Variants in GNB1 observed in about 807,000 individuals in gnomAD.
GNB1 encodes the protein G protein subunit beta 1.
In GNB1, 2 loss-of-function variants were observed where a neutral mutation model predicts 42.9. That is an observed-to-expected ratio of 0.05 (90% CI 0.02 to 0.15). The LOEUF is 0.15. Ranked by LOEUF, GNB1 falls within the 10% of genes least tolerant of loss-of-function variation. GNB1 has a pLI of 1.00. For missense variants in GNB1, 193 were observed against 462.2 expected (o/e 0.42, Z 5.34); for synonymous variants, 183 against 174.7 (o/e 1.05, Z -0.38).
intron 1 of GNB1, among the ~76,000 whole-genome samples, chr1:1,865,719 T>C (rs780590345): frequency 9.2e-5 from 14 of 152,208 alleles, no homozygotes; most frequent in Non-Finnish European, 1.9e-4. Flanking sequence ...AAAAGGCAGA[T>C]TTAAACAAAT....
chr1:1,863,454 G>T (rs1648739291), intron 1 of GNB1, among the ~76,000 whole-genome samples: 1 of 152,156 alleles, frequency 6.6e-6, no homozygotes, highest in Admixed American at 6.5e-5. Flanking sequence ...CCACTGGAGG[G>T]GTTTGGGAGT....
intron 7 of GNB1, among the ~76,000 whole-genome samples, chr1:1,800,753 T>TAAA (rs943269814): frequency 1.0e-4 from 12 of 115,318 alleles, no homozygotes; most frequent in Admixed American, 3.6e-4. Context: ...TTTAGATTGT[T>TAAA]AAAAAAAAAA....
intron 5 of GNB1, among the ~76,000 whole-genome samples, chr1:1,811,416 C>T (rs888595994): frequency 4.6e-5 from 7 of 151,864 alleles, no homozygotes; most frequent in Non-Finnish European, 7.4e-5. Flanking sequence ...CAAACTAGGC[C>T]GGGCACAGTG....
chr1:1,853,859 T>A (rs1648118719), intron 1 of GNB1, among the ~76,000 whole-genome samples: 1 of 152,110 alleles, frequency 6.6e-6, no homozygotes, highest in Non-Finnish European at 1.5e-5. Flanking sequence ...AATATTTACT[T>A]GGGAGTCTGA....
chr1:1,875,488 T>C (rs1001238734), intron 1 of GNB1, among the ~76,000 whole-genome samples: 2 of 151,920 alleles, frequency 1.3e-5, no homozygotes, highest in Non-Finnish European at 2.9e-5. Context: ...CCATCACACC[T>C]GGCCAAGGAC....
chr1:1,861,960 G>A (rs1411976917), intron 1 of GNB1, among the ~76,000 whole-genome samples: 2 of 152,116 alleles, frequency 1.3e-5, no homozygotes, highest in African/African-American at 4.8e-5. Context: ...CAGCTACTCG[G>A]GAGGCTGAGG....
intron 3 of GNB1, among the ~76,000 whole-genome samples, chr1:1,821,686 T>C (rs1375433103): frequency 6.6e-6 from 1 of 152,188 alleles, no homozygotes; most frequent in Non-Finnish European, 1.5e-5. Context: ...GCGCCTCTCC[T>C]AGTGAACGTC....
chr1:1,873,637 G>A (rs767900370), intron 1 of GNB1, among the ~76,000 whole-genome samples: 12 of 152,324 alleles, frequency 7.9e-5, no homozygotes, highest in East Asian at 1.9e-4. Flanking sequence ...GAGACTGGAC[G>A]CAGTGGCTCA....
chr1:1,802,598 G>GTC (rs1646639918), intron 7 of GNB1, among the ~76,000 whole-genome samples: 2 of 151,906 alleles, frequency 1.3e-5, no homozygotes, highest in Non-Finnish European at 2.9e-5. Context: ...GCAAAACCCC[G>GTC]TCTCTACTAA....
At chr1:1,882,293 C>T (rs1386587016) in intron 1 of GNB1, among the ~76,000 whole-genome samples, 2 of 151,872 alleles carry the variant, frequency 1.3e-5, no homozygotes, top group African/African-American at 2.4e-5. Context: ...CTAGGCGTGG[C>T]GGCATGCACC....
intron 3 of GNB1, among the ~76,000 whole-genome samples, chr1:1,822,728 G>C (rs1474239812): frequency 6.6e-6 from 1 of 152,146 alleles, no homozygotes; most frequent in East Asian, 1.9e-4. Flanking sequence ...TTCACAACGT[G>C]ACAGGGTCCA....
chr1:1,855,180 G>C (rs1648205084), intron 1 of GNB1, among the ~76,000 whole-genome samples: 1 of 148,854 alleles, frequency 6.7e-6, no homozygotes, highest in African/African-American at 2.5e-5. Context: ...AAACAGCTGA[G>C]TGTGGTGGTG....
chr1:1,874,355 T>C (rs982602864), intron 1 of GNB1, among the ~76,000 whole-genome samples: 2 of 151,936 alleles, frequency 1.3e-5, no homozygotes, highest in African/African-American at 4.8e-5. Flanking sequence ...GTGTCTGTAA[T>C]CCTAGCACTT....
intron 1 of GNB1, among the ~76,000 whole-genome samples, chr1:1,855,321 CAAAAAA>C (rs371204734): frequency 5.0e-5 from 5 of 99,596 alleles, no homozygotes; most frequent in African/African-American, 1.5e-4. Flanking sequence ...GACACTGTGT[CAAAAAA>C]AAAAAAAAAG....
intron 2 of GNB1, among the ~76,000 whole-genome samples, chr1:1,830,828 T>C (rs568433840): frequency 5.9e-5 from 9 of 151,666 alleles, no homozygotes; most frequent in African/African-American, 1.7e-4. Flanking sequence ...CTCTAATCTA[T>C]TGCATGAGCC....
In GNB1 at chr1:1,812,306, C is replaced by T. The variant is rs557555382; in HGVS notation, c.203+3450G>A. On this transcript the variant is annotated intron_variant, in intron 5 of 11. Transcript: ENST00000378609. ...GCACATGTATTCCTATGTAACAAAT[C>T]TGCACATTGTGCACATGTACCCTAG... Among the ~76,000 whole-genome samples the T allele has an allele frequency of 6.6e-5, 10 of 151,186 alleles. No individual in the cohort carries two copies. The South Asian group carries it at 1.0e-3, about 16-fold the overall frequency.
Position 1,787,817 on chromosome 1 carries a change from G to A in GNB1, c.917-380C>T, listed in dbSNP as rs1646426698. On this transcript the variant is annotated intron_variant, in intron 10 of 11. Transcript: ENST00000378609. The surrounding 1 kb of genome is among the most constrained non-coding windows in gnomAD (Gnocchi z 4.4). The stretch of plus-strand genomic sequence containing the variant: ...AAGGCCGAGGCAGGCAGATCATGAG[G>A]TCAGGACTTTGAGACCAGCCTGGCC... 6.6e-6 allele frequency among the ~76,000 whole-genome samples: 1 copy of A among 152,084 alleles called. No homozygotes were observed. Among genetic ancestry groups the A allele is most frequent in the Non-Finnish European group, 1.5e-5 (1 of 68,014 alleles).
intron 1 of GNB1, among the ~76,000 whole-genome samples, chr1:1,862,416 ACAAT>A (rs1185590811): frequency 2.6e-5 from 4 of 152,072 alleles, no homozygotes; most frequent in African/African-American, 9.7e-5. Flanking sequence ...ACTGAGTGAG[ACAAT>A]CAGTTTCCTA....
Position 1,873,020 on chromosome 1 carries a change from G to A in GNB1, c.-96+17800C>T, listed in dbSNP as rs79264189. On this transcript the variant is annotated intron_variant, in intron 1 of 11. Transcript: ENST00000378609. Reference sequence around the variant, plus strand: ...GCAAGTCCCACCATTAAGGACCAGAGTCTATCTCCTACTCTCCAAGCCTGT... The same window carrying A: ...GCAAGTCCCACCATTAAGGACCAGAATCTATCTCCTACTCTCCAAGCCTGT... Among the ~76,000 whole-genome samples, 488 of 151,770 alleles carry A rather than the reference G, an allele frequency of 3.2e-3. 1 individual carries two copies. The highest frequency in any genetic ancestry group is 6.9e-3 in the Middle Eastern group (2 of 290).
Sources: allele counts gnomAD v4.1 joint callset (sites outside exome capture counted in the v4.1 genomes callset), GRCh38; gene constraint gnomAD v4.1.1; non-coding constraint Gnocchi (gnomAD v3.1); transcripts MANE v1.5; gene names NCBI Gene and HGNC (gene_info 2026-07-23, HGNC 2026-07-21).